The following GOSR2 variants were observed in gnomAD, a reference collection of about 807,000 sequenced individuals.
GOSR2 encodes the protein 27 kDa Golgi SNARE protein.
GOSR2 carries 20 observed loss-of-function variants against 27.9 expected under a neutral mutation model. The ratio of observed to expected loss-of-function variants is 0.72; its 90% CI spans 0.50 to 1.04. GOSR2 has a LOEUF of 1.04. Among genes scored for constraint, GOSR2 ranks in the 50% least tolerant of loss-of-function variants. The probability of loss-of-function intolerance (pLI) is 0.00; values close to 1 mark genes in which losing one functional copy is unlikely to be tolerated. For missense variants in GOSR2, 261 were observed against 270.5 expected (o/e 0.97, Z 0.25); for synonymous variants, 91 against 98.8 (o/e 0.92, Z 0.47).
At chr17:46,928,866 C>T (rs1323509312) in intron 1 of GOSR2, among the ~76,000 whole-genome samples, 1 of 152,160 alleles carries the variant, frequency 6.6e-6, no homozygotes, top group Non-Finnish European at 1.5e-5. Context: ...CAGCGATGCT[C>T]AGAACTCTTT....
chr17:46,929,614 C>G (rs1254808583), intron 2 of GOSR2, 30 bp downstream of exon 2: 1 of 1,121,960 alleles, frequency 8.9e-7, no homozygotes, highest in Non-Finnish European at 1.4e-6. Context: ...GACCAGAGTC[C>G]TTTCTCTGAT....
intron 6 of GOSR2, chr17:46,972,965 ACTT>A (rs1329245980): frequency 6.5e-6 from 1 of 153,578 alleles, no homozygotes; most frequent in Non-Finnish European, 1.5e-5. Flanking sequence ...GGAGTGTAAA[ACTT>A]CTTGTAGTAT....
Position 46,939,848 on chromosome 17 carries a change from A to G in GOSR2, c.*1088A>G, listed in dbSNP as rs528933584. On this transcript the variant is annotated 3_prime_UTR_variant, in exon 6 of 6. Transcript: ENST00000640051. ...TATTGTGGAATTTAGTATAAAGGCC[A>G]ATCTGTCCTGAAGTCCATCTAATGT... 1 of 990,468 alleles carries G rather than the reference A, an allele frequency of 1.0e-6. No homozygotes were observed. Among genetic ancestry groups the G allele is most frequent in the East Asian group, 1.1e-4 (1 of 8,942 alleles). 61.4% of individuals were successfully genotyped at this position (990,468 alleles called of 1,614,324 possible).
chr17:46,938,813 G>A lies in GOSR2; in HGVS notation c.*53G>A. The A allele has an allele frequency of 1.2e-6, 2 of 1,611,980 alleles. No homozygotes were observed. The highest frequency in any genetic ancestry group is 4.5e-5 in the East Asian group (2 of 44,860). On this transcript the variant is annotated 3_prime_UTR_variant, in exon 6 of 6. Transcript: ENST00000640051. ...ATTCCCACAGCCTGCAAGTGTGTGT[G>A]TGTGTGAAAGAGAGAGGGGGGCCCA...
intron 6 of GOSR2, among the ~76,000 whole-genome samples, chr17:46,958,743 C>T (rs1232725417): frequency 3.3e-5 from 5 of 152,174 alleles, no homozygotes; most frequent in Admixed American, 1.3e-4. Flanking sequence ...CAACTTCCGG[C>T]GAAGTCAAAG....
In GOSR2 at chr17:46,940,487, C is replaced by G; in HGVS notation, c.*1727C>G. The G allele has an allele frequency of 6.2e-7, 1 of 1,613,044 alleles. No individual in the cohort carries two copies. Among genetic ancestry groups the G allele is most frequent in the Non-Finnish European group, 8.5e-7 (1 of 1,179,746 alleles). On this transcript the variant is annotated 3_prime_UTR_variant, in exon 6 of 6. Coordinates refer to ENST00000640051, the MANE Select transcript of GOSR2 (RefSeq NM_004287.5). ...CACTGCTGCGGTGCCAGGGACCTAG[C>G]GCAGGACTTTTGGTAATCCATAAAA... is the stretch of plus-strand genomic sequence containing the variant.
intron 6 of GOSR2, chr17:46,949,094 C>A (rs2090141377): frequency 1.3e-5 from 2 of 152,220 alleles, no homozygotes; most frequent in African/African-American, 2.4e-5. Flanking sequence ...CACCTCACAG[C>A]CTCTGAGCAT....
At chr17:46,949,492 G>A (rs1372265872) in intron 6 of GOSR2, 1 of 152,292 alleles carries the variant, frequency 6.6e-6, no homozygotes, top group Non-Finnish European at 1.5e-5. Context: ...CTGCCTCTCA[G>A]TGGGAAGAAT....
At chr17:46,950,057 C>T (rs191278544) in intron 6 of GOSR2, among the ~76,000 whole-genome samples, 15 of 152,204 alleles carry the variant, frequency 9.9e-5, no homozygotes, top group Non-Finnish European at 1.9e-4. Context: ...AAAGAGAGGC[C>T]GTGGGGCCTC....
Position 46,941,584 on chromosome 17 carries a change from T to G in GOSR2, c.*2824T>G. 3.8e-6 allele frequency: 1 copy of G among 262,970 alleles called. No homozygotes were observed. The highest frequency in any genetic ancestry group is 5.9e-6 in the Non-Finnish European group (1 of 169,512). 16.3% of individuals were successfully genotyped at this position (262,970 alleles called of 1,614,324 possible). A position where few individuals can be genotyped will look rare whatever the true frequency, so the allele number is the denominator to read the frequency against. ...ATCTCTAAGGTGATTTTATTTTATT[T>G]TTTATTTTTGAGACAGTCTCGCTCT... On this transcript the variant is annotated 3_prime_UTR_variant, in exon 6 of 6. Transcript: ENST00000640051.
chr17:46,929,387 A>C, intron 1 of GOSR2, 133 bp from the exon 2 acceptor site: 1 of 702,162 alleles, frequency 1.4e-6, no homozygotes, highest in Non-Finnish European at 2.6e-6. Flanking sequence ...AAAGTGCCAC[A>C]TACAAATTTT....
intron 4 of GOSR2, chr17:46,932,597 G>A: frequency 2.4e-6 from 1 of 421,798 alleles, no homozygotes; most frequent in Non-Finnish European, 4.2e-6. Flanking sequence ...ATTGTGCCGA[G>A]TATGTGTGTG....
At chr17:46,944,274 G>A (rs1050272919), downstream of GOSR2, among the ~76,000 whole-genome samples, 4 of 152,242 alleles carry the variant, frequency 2.6e-5, no homozygotes, top group Non-Finnish European at 2.9e-5. Flanking sequence ...TGGTTACAGC[G>A]GCCGGAGGCT....
In GOSR2 at chr17:46,941,740, ATTT is replaced by A. The variant is rs199529204; in HGVS notation, c.*2994_*2996del. ...AAGTGTGTGCCACCATGTCTGGCTA[ATTT>A]TTTTTTTTTTTTTGTATTTTTTAGT... On this transcript the variant is annotated 3_prime_UTR_variant, in exon 6 of 6. Coordinates refer to ENST00000640051, the MANE Select transcript of GOSR2 (RefSeq NM_004287.5). The A allele has an allele frequency of 5.3e-5, 8 of 149,810 alleles. No homozygotes were observed. The highest frequency in any genetic ancestry group is 1.1e-4 in the Non-Finnish European group (8 of 72,046). The allele number at this position is 149,810 out of a possible 1,614,324, so 9.3% of individuals were successfully genotyped here. A position where few individuals can be genotyped will look rare whatever the true frequency, so the allele number is the denominator to read the frequency against.
chr17:46,931,357 A>G, intron 3 of GOSR2, 150 bp downstream of exon 3: 2 of 670,576 alleles, frequency 3.0e-6, no homozygotes, highest in South Asian at 1.7e-5. Flanking sequence ...AAAGGGCACA[A>G]TTCTATCTGA....
intron 1 of GOSR2, among the ~76,000 whole-genome samples, chr17:46,925,813 C>T (rs369830164): frequency 6.6e-5 from 10 of 152,282 alleles, no homozygotes; most frequent in African/African-American, 1.9e-4. Context: ...ATTAAAGTTA[C>T]TTGAAAACTC....
At chr17:46,930,332 G>C (rs1302677144) in intron 2 of GOSR2, 1 of 152,274 alleles carries the variant, frequency 6.6e-6, no homozygotes, top group African/African-American at 2.4e-5. Context: ...CAGTCTGGAT[G>C]CTTTCTTTTG....
intron 2 of GOSR2, chr17:46,930,593 A>G (rs141226651): frequency 6.5e-5 from 10 of 154,938 alleles, no homozygotes; most frequent in African/African-American, 2.4e-4. Context: ...AAGGGAAGAA[A>G]GCCTTAAGGG....
At chr17:46,934,823 T>C (rs1449369257) in intron 4 of GOSR2, among the ~76,000 whole-genome samples, 1 of 152,098 alleles carries the variant, frequency 6.6e-6, no homozygotes. Context: ...ATTTGGAGAG[T>C]GACAGATCTG....
Sources: gnomAD v4.1 joint callset for allele counts (sites outside exome capture counted in the v4.1 genomes callset) on GRCh38, gnomAD v4.1.1 for gene constraint, MANE v1.5 for transcripts, NCBI Gene and HGNC (gene_info 2026-07-23, HGNC 2026-07-21) for gene names.